Variants in ABLIM1 observed in about 807,000 individuals in gnomAD.
The protein encoded by ABLIM1 is actin-binding LIM protein 1.
A neutral mutation model predicts 107.0 loss-of-function variants in ABLIM1; 40 were observed. The ratio of observed to expected loss-of-function variants is 0.37; its 90% CI spans 0.29 to 0.49. ABLIM1 has a LOEUF of 0.49. Ranked by LOEUF, ABLIM1 falls within the 20% of genes least tolerant of loss-of-function variation. The pLI is 0.97. For missense variants in ABLIM1, 857 were observed against 1,008.5 expected, an observed-to-expected ratio of 0.85 and a Z score of 2.04; for synonymous variants, 357 against 357.3, an observed-to-expected ratio of 1.00 and a Z score of 0.01.
chr10:114,792,770 AGATTCTATATTCAGC>A, the ABLIM1 span, among the ~76,000 whole-genome samples: 1 of 152,226 alleles, frequency 6.6e-6, no homozygotes, highest in South Asian at 2.1e-4. Flanking sequence ...CCTTGAACCC[AGATTCTATATTCAGC>A]TGCTTTATCA....
chr10:114,490,967 CAT>C (rs1308060270), intron 7 of ABLIM1, among the ~76,000 whole-genome samples: 8 of 102,770 alleles, frequency 7.8e-5, no homozygotes, highest in Non-Finnish European at 1.4e-4. Flanking sequence ...CCACGCCCGG[CAT>C]ATATATGTGT....
rs56088340 is a variant in ABLIM1, at chr10:114,552,508, A to AG, written c.674-4733dup. ...CTAACATGGAAAAAAAAAAAAAAAAAGAGAAAAGCCTGACCTTAAACACTT... is the reference window on the plus strand; with the variant it reads ...CTAACATGGAAAAAAAAAAAAAAAAAGGAGAAAAGCCTGACCTTAAACACTT... On this transcript the variant is annotated intron_variant, in intron 4 of 22. Transcript: ENST00000533213. 2.0e-5 allele frequency among the ~76,000 whole-genome samples: 3 copies of AG among 150,200 alleles called. No homozygotes were observed. The East Asian group carries it at 5.8e-4, about 29-fold the overall frequency.
chr10:114,439,140 T>C, intron 21 of ABLIM1, 36 bp downstream of exon 21: 1 of 1,610,908 alleles, frequency 6.2e-7, no homozygotes, highest in South Asian at 1.1e-5. Flanking sequence ...GGTTACGCCA[T>C]TCCCATATGA....
At chr10:114,651,401 C>T (rs190600481) in intron 1 of ABLIM1, among the ~76,000 whole-genome samples, 14 of 152,216 alleles carry the variant, frequency 9.2e-5, no homozygotes, top group East Asian at 7.7e-4. Flanking sequence ...AAGATCAGGC[C>T]GGCCCAGAGG....
chr10:114,444,183 C>A (rs1388234885), intron 16 of ABLIM1, 49 bp from the exon 17 acceptor site: 7 of 1,452,822 alleles, frequency 4.8e-6, no homozygotes, highest in Non-Finnish European at 5.6e-6. Flanking sequence ...GCAAAGCTTG[C>A]AATTACTTTC....
In ABLIM1 at chr10:114,667,199, G is replaced by C. The variant is rs149213714; in HGVS notation, c.64+17091C>G. Among the ~76,000 whole-genome samples, 363 of 152,234 alleles carry C rather than the reference G, an allele frequency of 2.4e-3. 3 individuals carry two copies. The highest frequency in any genetic ancestry group is 7.4e-3 in the African/African-American group (306 of 41,544). ...ATTTTGGGTACCGGGGGAAGGTAGC[G>C]GGGTGCAAGATTTTTAGAAGCATTG... is the stretch of plus-strand genomic sequence containing the variant. On this transcript the variant is annotated intron_variant, in intron 1 of 23. Transcript: ENST00000369256.
chr10:114,718,569 T>C (rs2081762073), intron 1 of ABLIM1, among the ~76,000 whole-genome samples: 1 of 152,224 alleles, frequency 6.6e-6, no homozygotes, highest in African/African-American at 2.4e-5. Flanking sequence ...AGCAGCTGTG[T>C]CTGCCAAGTG....
intron 4 of ABLIM1, among the ~76,000 whole-genome samples, chr10:114,560,706 C>A (rs1356250918): frequency 6.6e-6 from 1 of 152,188 alleles, no homozygotes; most frequent in Non-Finnish European, 1.5e-5. Context: ...TTGAGCAACA[C>A]AACCGCACAG....
rs2059039127 is a variant in ABLIM1, at chr10:114,491,820, A to G, written c.953T>C (p.Phe318Ser). The G allele has an allele frequency of 1.2e-6, 2 of 1,612,416 alleles. No homozygotes were observed. The highest frequency in any genetic ancestry group is 1.3e-5 in the African/African-American group (1 of 74,890). ...CARCSRCNQMFTEGEEMYLQG... is the reference protein window; with the variant it reads ...CARCSRCNQMSTEGEEMYLQG... ...AAGATACATTTCCTCTCCTTCTGTG[A>G]ACATCTGGTTGCATCTGCTGCATCG... The change falls in exon 7 of 23, where the codon TTC (phenylalanine) becomes TCC (serine). Residue 318 changes from phenylalanine to serine, a missense_variant. Coordinates refer to ENST00000533213, the MANE Select transcript of ABLIM1 (RefSeq NM_002313.7).
chr10:114,684,538 G>C (rs2080882626), exon 1 of ABLIM1: 6 of 1,396,988 alleles, frequency 4.3e-6, no homozygotes, highest in Non-Finnish European at 4.6e-6. Flanking sequence ...AGAATGAGGA[G>C]TTTCCTGAGT....
At chr10:114,745,219 T>C (rs2082359176) in intron 1 of ABLIM1, among the ~76,000 whole-genome samples, 1 of 152,180 alleles carries the variant, frequency 6.6e-6, no homozygotes, top group Non-Finnish European at 1.5e-5. Context: ...TTAACTACAA[T>C]GCTATCCTGC....
chr10:114,502,170 T>C (rs2060511689), intron 6 of ABLIM1: 1 of 170,696 alleles, frequency 5.9e-6, no homozygotes, highest in Admixed American at 5.8e-5. Context: ...ACTGATATGA[T>C]AGCATGAAAC....
At chr10:114,728,667 T>G (rs1433704532) in intron 1 of ABLIM1, among the ~76,000 whole-genome samples, 4 of 151,180 alleles carry the variant, frequency 2.6e-5, no homozygotes, top group African/African-American at 7.3e-5. Context: ...TGTGCAAAGC[T>G]GTGATGTGTA....
At chr10:114,551,977 G>T (rs941823280) in intron 4 of ABLIM1, among the ~76,000 whole-genome samples, 4 of 152,062 alleles carry the variant, frequency 2.6e-5, no homozygotes, top group South Asian at 2.1e-4. Flanking sequence ...AGCTGGTAAG[G>T]TTGGGCTGCA....
intron 1 of ABLIM1, among the ~76,000 whole-genome samples, chr10:114,733,875 G>T (rs1374968374): frequency 1.3e-5 from 2 of 151,400 alleles, no homozygotes; most frequent in East Asian, 1.9e-4. Flanking sequence ...ATTATTTTTT[G>T]AGATGAAGTC....
the ABLIM1 span, among the ~76,000 whole-genome samples, chr10:114,777,674 T>G: frequency 6.6e-6 from 1 of 152,134 alleles, no homozygotes; most frequent in Non-Finnish European, 1.5e-5. Context: ...TATGCTCCTG[T>G]GTGTTCAGTT....
chr10:114,753,488 G>A (rs1014461601), intron 1 of ABLIM1, among the ~76,000 whole-genome samples: 2 of 152,322 alleles, frequency 1.3e-5, no homozygotes, highest in Non-Finnish European at 2.9e-5. Context: ...AATCAGGTAT[G>A]CTACAGCCAT....
intron 6 of ABLIM1, among the ~76,000 whole-genome samples, chr10:114,542,133 G>T (rs1012265330): frequency 2.0e-5 from 3 of 152,200 alleles, no homozygotes; most frequent in Admixed American, 6.5e-5. Context: ...TGAGGGCCAG[G>T]CTTGGTTGCT....
intron 1 of ABLIM1, among the ~76,000 whole-genome samples, chr10:114,622,895 A>G (rs548489247): frequency 1.4e-4 from 22 of 152,352 alleles, no homozygotes; most frequent in Admixed American, 1.4e-3. Context: ...ACATATTTCA[A>G]TTCCTCAAAG....
Sources: allele counts gnomAD v4.1 joint callset (sites outside exome capture counted in the v4.1 genomes callset), GRCh38; gene constraint gnomAD v4.1.1; transcripts MANE v1.5; gene names NCBI Gene and HGNC (gene_info 2026-07-23, HGNC 2026-07-21).